Variants in VAV3 observed in about 807,000 individuals in gnomAD.
VAV3 encodes vav guanine nucleotide exchange factor 3.
Under a neutral mutation model 131.2 loss-of-function variants are expected in VAV3, and 94 were observed. That is an observed-to-expected ratio of 0.72 (90% CI 0.61 to 0.85). The LOEUF (loss-of-function observed/expected upper bound fraction) is 0.85. Ranked by LOEUF, VAV3 falls within the 40% of genes least tolerant of loss-of-function variation. The pLI is 0.00. For synonymous variants in VAV3, 349 were observed against 342.0 expected, an observed-to-expected ratio of 1.02 and a Z score of -0.22; for missense variants, 939 against 1,002.7, an observed-to-expected ratio of 0.94 and a Z score of 0.86.
chr1:107,598,591 G>A (rs193179315), intron 24 of VAV3, among the ~76,000 whole-genome samples: 2 of 152,152 alleles, frequency 1.3e-5, no homozygotes, highest in East Asian at 3.9e-4. Flanking sequence ...TAATCAGACC[G>A]ACCTTTAAAA....
chr1:107,671,676 G>A (rs368298471), intron 19 of VAV3, among the ~76,000 whole-genome samples: 4 of 152,176 alleles, frequency 2.6e-5, no homozygotes, highest in South Asian at 4.2e-4. Context: ...TAAGAACAAC[G>A]GGAGGAGCTA....
chr1:107,754,789 C>T (rs889294879), intron 12 of VAV3, among the ~76,000 whole-genome samples: 14 of 152,250 alleles, frequency 9.2e-5, no homozygotes, highest in Admixed American at 9.2e-4. Context: ...CTGAGCATTT[C>T]ACCTGCTACG....
intron 19 of VAV3, among the ~76,000 whole-genome samples, chr1:107,676,185 T>C (rs999577842): frequency 2.6e-4 from 39 of 152,312 alleles, no homozygotes; most frequent in African/African-American, 5.5e-4. Flanking sequence ...AAAAATTCCA[T>C]GTGGACAAGC....
At chr1:107,942,642 T>C (rs1321180387) in intron 1 of VAV3, among the ~76,000 whole-genome samples, 2 of 152,222 alleles carry the variant, frequency 1.3e-5, no homozygotes, top group Non-Finnish European at 2.9e-5. Context: ...AGTCTACTAC[T>C]GCTTCTTTTC....
At chr1:107,960,232 C>T (rs1195832748) in intron 1 of VAV3, among the ~76,000 whole-genome samples, 2 of 152,118 alleles carry the variant, frequency 1.3e-5, no homozygotes, top group African/African-American at 4.8e-5. Flanking sequence ...CTTTGGGAGG[C>T]CAAGGCGGGT....
intron 1 of VAV3, among the ~76,000 whole-genome samples, chr1:107,932,746 T>G (rs1393571717): frequency 1.3e-5 from 2 of 152,158 alleles, no homozygotes; most frequent in Non-Finnish European, 2.9e-5. Context: ...GAGAAAGCAA[T>G]GTTGTGATGG....
chr1:107,950,253 G>A (rs990902575), intron 1 of VAV3, among the ~76,000 whole-genome samples: 1 of 152,062 alleles, frequency 6.6e-6, no homozygotes, highest in African/African-American at 2.4e-5. Context: ...ACTCTCTCTG[G>A]GAATCAGAAG....
At chr1:107,787,522 G>A (rs556504226) in intron 2 of VAV3, among the ~76,000 whole-genome samples, 2 of 152,266 alleles carry the variant, frequency 1.3e-5, no homozygotes, top group African/African-American at 2.4e-5. Context: ...ATCCTAGTCT[G>A]CATCTTGATG....
chr1:107,731,064 T>C (rs1160783035), intron 15 of VAV3, among the ~76,000 whole-genome samples: 1 of 152,176 alleles, frequency 6.6e-6, no homozygotes. Flanking sequence ...AAACTACTTG[T>C]AAAGCACGAT....
At chr1:107,805,711 T>C (rs1047294975) in intron 2 of VAV3, among the ~76,000 whole-genome samples, 1 of 152,184 alleles carries the variant, frequency 6.6e-6, no homozygotes, top group Non-Finnish European at 1.5e-5. Context: ...TGTTTACTAT[T>C]GTTTCTTGTG....
intron 19 of VAV3, among the ~76,000 whole-genome samples, chr1:107,680,990 A>C (rs1392991509): frequency 2.6e-5 from 4 of 152,226 alleles, no homozygotes; most frequent in Non-Finnish European, 5.9e-5. Flanking sequence ...ATCATCACTT[A>C]TTAATTCATG....
At chr1:107,788,333 C>T (rs1173570319) in intron 2 of VAV3, among the ~76,000 whole-genome samples, 1 of 152,054 alleles carries the variant, frequency 6.6e-6, no homozygotes, top group African/African-American at 2.4e-5. Flanking sequence ...GGAGCTGCTG[C>T]CCTGCCCCTT....
In VAV3 at chr1:107,770,694, A is replaced by G; in HGVS notation, c.590T>C (p.Leu197Pro). ...CPENDIRSCC[L>P]AEIKQTEEKY... ...TTCTTCTGTCTGCTTAATTTCTGCT[A>G]GACAACAACTTCGTATATCATTTTC... Residue 197 changes from leucine (L) to proline (P), a missense_variant, in exon 6 of 27, where the codon CTA (leucine) becomes CCA (proline). Leu to Pro is a moderately conservative substitution (Grantham distance 98, BLOSUM62 -3). Transcript: ENST00000370056. 2 of 1,612,260 alleles carry G rather than the reference A, an allele frequency of 1.2e-6. No individual in the cohort carries two copies. Among genetic ancestry groups the G allele is most frequent in the Non-Finnish European group, 1.7e-6 (2 of 1,179,220 alleles).
At chr1:107,585,221 T>C (rs1256513131) in intron 25 of VAV3, among the ~76,000 whole-genome samples, 1 of 152,160 alleles carries the variant, frequency 6.6e-6, no homozygotes, top group African/African-American at 2.4e-5. Context: ...TGTCATAATA[T>C]CCTTTTGGAT....
At chr1:107,952,128 T>C (rs1674566237) in intron 1 of VAV3, among the ~76,000 whole-genome samples, 1 of 152,158 alleles carries the variant, frequency 6.6e-6, no homozygotes, top group South Asian at 2.1e-4. Flanking sequence ...CACTGTGGAA[T>C]ACTATGCAGA....
rs141325860 is a variant in VAV3 at position 107,868,440 on chromosome 1, G to A, written c.321+6461C>T. Among the ~76,000 whole-genome samples the A allele has an allele frequency of 6.0e-3, 907 of 152,250 alleles. 10 individuals are homozygous for A. The highest frequency in any genetic ancestry group is 0.021 in the African/African-American group (854 of 41,560). The stretch of plus-strand genomic sequence containing the variant: ...GGCTCAGAAGCCTTTGCTTGGGAGG[G>A]TTTTCTTGTGACAGGGAAAGCCAGG... On this transcript the variant is annotated intron_variant, in intron 2 of 26. Coordinates refer to ENST00000370056, the MANE Select transcript of VAV3 (RefSeq NM_006113.5).
At chr1:107,863,765 G>A (rs540141705) in intron 2 of VAV3, among the ~76,000 whole-genome samples, 10 of 152,140 alleles carry the variant, frequency 6.6e-5, no homozygotes, top group African/African-American at 9.7e-5. Flanking sequence ...AAAACTACCC[G>A]AAAGATTCAC....
At chr1:107,833,527 TATA>T (rs1668348470) in intron 2 of VAV3, among the ~76,000 whole-genome samples, 1 of 152,230 alleles carries the variant, frequency 6.6e-6, no homozygotes. Context: ...CTTTTTCACT[TATA>T]ACTGAGACTA....
intron 25 of VAV3, among the ~76,000 whole-genome samples, chr1:107,575,025 G>A (rs1178824955): frequency 6.4e-5 from 3 of 46,676 alleles, no homozygotes; most frequent in Non-Finnish European, 1.1e-4. Flanking sequence ...GCACACGCGC[G>A]CGTGTTTAAT....
Sources: gnomAD v4.1 joint callset for allele counts (sites outside exome capture counted in the v4.1 genomes callset) on GRCh38, gnomAD v4.1.1 for gene constraint, MANE v1.5 for transcripts, NCBI Gene and HGNC (gene_info 2026-07-23, HGNC 2026-07-21) for gene names.